The following GRHL2 variants were observed in gnomAD, a reference collection of about 807,000 sequenced individuals.
The protein encoded by GRHL2 is grainyhead like transcription factor 2.
GRHL2 carries 21 observed loss-of-function variants against 83.8 expected under a neutral mutation model. That is an observed-to-expected ratio of 0.25 (90% CI 0.18 to 0.36). The LOEUF is 0.36. Ranked by LOEUF, GRHL2 falls within the 10% of genes least tolerant of loss-of-function variation. The probability of loss-of-function intolerance (pLI) is 1.00; values close to 1 mark genes in which losing one functional copy is unlikely to be tolerated. For synonymous variants in GRHL2, 280 were observed against 278.9 expected (o/e 1.00, Z -0.04); for missense variants, 623 against 781.8 (o/e 0.80, Z 2.42).
Position 101,517,923 on chromosome 8 carries a change from G to A in GRHL2, c.20+25134G>A, listed in dbSNP as rs1810604313. The stretch of plus-strand genomic sequence containing the variant: ...TGTGCAGCAGTGACACCAGATAGAA[G>A]AGACAGGCAACTCGGGCTCACCAGC... On this transcript the variant is annotated intron_variant, in intron 1 of 15. Transcript: ENST00000646743. Among the ~76,000 whole-genome samples the A allele has an allele frequency of 1.3e-5, 2 of 152,128 alleles. 1 individual carries two copies. Among genetic ancestry groups the A allele is most frequent in the South Asian group, 4.1e-4 (2 of 4,834 alleles).
intron 12 of GRHL2, among the ~76,000 whole-genome samples, chr8:101,640,257 G>A (rs1813373849): frequency 6.6e-6 from 1 of 152,146 alleles, no homozygotes; most frequent in Non-Finnish European, 1.5e-5. Flanking sequence ...ATAGCCACCT[G>A]CTAGCGTTAT....
At chr8:101,559,511 C>A (rs1341897955) in intron 4 of GRHL2, among the ~76,000 whole-genome samples, 1 of 152,094 alleles carries the variant, frequency 6.6e-6, no homozygotes, top group Non-Finnish European at 1.5e-5. Context: ...GCCTGGGTGA[C>A]AAGAACGAAA....
At chr8:101,527,170 G>A (rs1330666345) in intron 1 of GRHL2, among the ~76,000 whole-genome samples, 1 of 151,974 alleles carries the variant, frequency 6.6e-6, no homozygotes, top group African/African-American at 2.4e-5. Context: ...GATTTCTCTA[G>A]GTGTCTGCAC....
chr8:101,584,230 A>G (rs1421042406), intron 7 of GRHL2, among the ~76,000 whole-genome samples: 2 of 152,204 alleles, frequency 1.3e-5, no homozygotes, highest in African/African-American at 4.8e-5. Context: ...AGGCAATTAT[A>G]GTACAATTTC....
intron 8 of GRHL2, among the ~76,000 whole-genome samples, chr8:101,608,471 A>G (rs1586140161): frequency 6.6e-6 from 1 of 152,284 alleles, no homozygotes; most frequent in East Asian, 1.9e-4. Flanking sequence ...GCGCTCAGAG[A>G]ATGTTTGGAC....
At chr8:101,531,557 TAC>T (rs148930541) in intron 1 of GRHL2, among the ~76,000 whole-genome samples, 3 of 151,248 alleles carry the variant, frequency 2.0e-5, no homozygotes, top group South Asian at 2.1e-4. Flanking sequence ...GATTTTGATT[TAC>T]ACACACACAC....
At chr8:101,577,668 G>C (rs968929398) in intron 7 of GRHL2, 149 bp downstream of exon 7, 3 of 693,824 alleles carry the variant, frequency 4.3e-6, no homozygotes, top group African/African-American at 3.5e-5. Context: ...ATTTAGTGCA[G>C]ATCAGACTGA....
intron 12 of GRHL2, among the ~76,000 whole-genome samples, chr8:101,643,801 C>T (rs1271140582): frequency 6.6e-6 from 1 of 152,252 alleles, no homozygotes; most frequent in Non-Finnish European, 1.5e-5. Flanking sequence ...CAGGGATTTA[C>T]TTCCCCCCAG....
intron 14 of GRHL2, among the ~76,000 whole-genome samples, chr8:101,651,812 T>C (rs1003437192): frequency 2.6e-5 from 4 of 152,218 alleles, no homozygotes; most frequent in African/African-American, 9.6e-5. Context: ...AGATGTCTTA[T>C]GGCAATTCTG....
chr8:101,596,357 G>A lies in GRHL2; in HGVS notation c.1004-2700G>A, dbSNP rs1812391142. On this transcript the variant is annotated intron_variant, in intron 7 of 15. Transcript: ENST00000646743. ...AACGTCAATTGTTTCAACTTTAGCA[G>A]GAACACTTTGACAAAATGAATTAAA... Among the ~76,000 whole-genome samples the A allele has an allele frequency of 3.3e-5, 5 of 152,192 alleles. No individual in the cohort carries two copies. In the South Asian group the frequency reaches 1.0e-3, roughly 32 times the overall value.
chr8:101,553,975 T>G lies in GRHL2; in HGVS notation c.284+1193T>G, dbSNP rs574889797. ...TCACCCATCAATAAATCTCTTCCCCTGCAGTGGGATGGAGAGAAGCCATAG... is the reference window on the plus strand; with the variant it reads ...TCACCCATCAATAAATCTCTTCCCCGGCAGTGGGATGGAGAGAAGCCATAG... On this transcript the variant is annotated intron_variant, in intron 3 of 15. Coordinates refer to ENST00000646743, the MANE Select transcript of GRHL2 (RefSeq NM_024915.4). Among the ~76,000 whole-genome samples, 31 of 152,320 alleles carry G rather than the reference T, an allele frequency of 2.0e-4. No individual in the cohort carries two copies. In the East Asian group the frequency reaches 5.2e-3, roughly 26 times the overall value.
chr8:101,624,554 A>ACACAGTAGAACAGTTCACAGTG (rs1301346037), intron 9 of GRHL2, among the ~76,000 whole-genome samples: 5 of 151,536 alleles, frequency 3.3e-5, no homozygotes, highest in Admixed American at 6.6e-5. Flanking sequence ...GTAGGACAGT[A>ACACAGTAGAACAGTTCACAGTG]CACAGTAGGA....
intron 1 of GRHL2, among the ~76,000 whole-genome samples, chr8:101,513,575 AC>A (rs1252752602): frequency 7.4e-6 from 1 of 135,792 alleles, no homozygotes; most frequent in East Asian, 2.1e-4. Flanking sequence ...GCTCACTGCA[AC>A]CTCCACCTCC....
At chr8:101,621,195 T>C (rs373039360) in intron 9 of GRHL2, among the ~76,000 whole-genome samples, 1 of 152,086 alleles carries the variant, frequency 6.6e-6, no homozygotes, top group African/African-American at 2.4e-5. Context: ...ATACAATGTT[T>C]CATGAAAAAA....
intron 1 of GRHL2, among the ~76,000 whole-genome samples, chr8:101,541,808 C>T (rs1811159246): frequency 6.6e-6 from 1 of 152,150 alleles, no homozygotes; most frequent in Non-Finnish European, 1.5e-5. Context: ...TCATACTCAC[C>T]TGAAGACATT....
chr8:101,525,271 G>A (rs1450040577), intron 1 of GRHL2, among the ~76,000 whole-genome samples: 1 of 151,862 alleles, frequency 6.6e-6, no homozygotes, highest in Non-Finnish European at 1.5e-5. Context: ...ATTTTTCTCT[G>A]GTTATTTTCT....
At chr8:101,663,614 AAAAT>A (rs147519589) in intron 14 of GRHL2, among the ~76,000 whole-genome samples, 1,404 of 133,936 alleles carry the variant, frequency 0.01, 16 homozygotes, top group East Asian at 0.062. Flanking sequence ...TCCATCTCAA[AAAAT>A]AAATAAATAA....
intron 6 of GRHL2, 78 bp from the exon 7 acceptor site, chr8:101,577,330 G>A: frequency 1.1e-6 from 1 of 888,244 alleles, no homozygotes; most frequent in Non-Finnish European, 1.9e-6. Context: ...CACACCTCTG[G>A]TAGAACTTCC....
chr8:101,560,475 G>A (rs911172042), intron 4 of GRHL2, among the ~76,000 whole-genome samples: 1 of 152,162 alleles, frequency 6.6e-6, no homozygotes, highest in African/African-American at 2.4e-5. Flanking sequence ...GGACATTCCT[G>A]TTTATATTTC....
Sources: allele counts gnomAD v4.1 joint callset (sites outside exome capture counted in the v4.1 genomes callset), GRCh38; gene constraint gnomAD v4.1.1; transcripts MANE v1.5; gene names NCBI Gene and HGNC (gene_info 2026-07-23, HGNC 2026-07-21).